The following EPS8L2 variants were observed in gnomAD, a reference collection of about 807,000 sequenced individuals.
EPS8L2 encodes epidermal growth factor receptor kinase substrate 8-like protein 2.
Under a neutral mutation model 99.4 loss-of-function variants are expected in EPS8L2, and 81 were observed. That is an observed-to-expected ratio of 0.82 (90% confidence interval 0.68 to 0.98). The LOEUF (loss-of-function observed/expected upper bound fraction) is 0.98, where lower values mean the gene tolerates loss of function less well. Among genes scored for constraint, EPS8L2 ranks in the 50% least tolerant of loss-of-function variants. EPS8L2 has a pLI of 0.00. For synonymous variants in EPS8L2, 509 were observed against 407.3 expected, an observed-to-expected ratio of 1.25 and a Z score of -3.01; for missense variants, 1,155 against 968.8, an observed-to-expected ratio of 1.19 and a Z score of -2.55.
At chr11:715,503 G>A (rs1471370691) in intron 4 of EPS8L2, among the ~76,000 whole-genome samples, 1 of 151,840 alleles carries the variant, frequency 6.6e-6, no homozygotes, top group African/African-American at 2.4e-5. Context: ...AACTAACTTT[G>A]GGCTCTGTTG....
intron 3 of EPS8L2, chr11:709,876 T>G: frequency 1.8e-6 from 1 of 554,648 alleles, no homozygotes; most frequent in East Asian, 3.0e-5. Context: ...TGTAACCTGA[T>G]CACAGCGAGG....
Position 720,123 on chromosome 11 carries a change from G to A in EPS8L2, c.227G>A (p.Arg76Gln), listed in dbSNP as rs369412251. The A allele has an allele frequency of 2.6e-5, 42 of 1,613,270 alleles. No homozygotes were observed. The highest frequency in any genetic ancestry group is 1.0e-4 in the Admixed American group (6 of 59,996). ...ATCACGTCTGTGGACGACGCCATCC[G>A]GAAGCTGGTGCAGCTGAGCTCCAAG... Reference protein sequence around the residue: ...EAITSVDDAIRKLVQLSSKEK... With the variant: ...EAITSVDDAIQKLVQLSSKEK... Residue 76 changes from arginine to glutamine, a missense_variant, in exon 5 of 21, where the codon CGG (arginine) becomes CAG (glutamine). Transcript: ENST00000318562.
Position 720,742 on chromosome 11 carries a change from T to C in EPS8L2, c.473T>C (p.Val158Ala). 8 of 1,498,080 alleles carry C rather than the reference T, an allele frequency of 5.3e-6. No individual in the cohort carries two copies. Among genetic ancestry groups the C allele is most frequent in the Non-Finnish European group, 7.2e-6 (8 of 1,115,700 alleles). 92.8% of individuals were successfully genotyped at this position (1,498,080 alleles called of 1,614,324 possible). A position where few individuals can be genotyped will look rare whatever the true frequency, so the allele number is the denominator to read the frequency against. ...GTCCACTTCTTCCACTGCGATGAGG[T>C]GGAGGTGAGGCGGTGCCGGGCGGGG... ...PDVHFFHCDEVEAELVHEDIE... is the reference protein window; with the variant it reads ...PDVHFFHCDEAEAELVHEDIE... The change falls in exon 6 of 21, where the codon GTG becomes GCG. Residue 158 changes from valine to alanine, a missense_variant. By Grantham distance (64) the Val-to-Ala change is moderately conservative (BLOSUM62 0). Transcript: ENST00000318562.
In EPS8L2 at chr11:721,588, C is replaced by A. The variant is rs769620020; in HGVS notation, c.792C>A (p.Asp264Glu). 6.4e-7 allele frequency: 1 copy of A among 1,568,504 alleles called. No homozygotes were observed. The highest frequency in any genetic ancestry group is 1.4e-5 in the African/African-American group (1 of 72,388). ...AGCAAATCCTCAACTGCGCCCTGGA[C>A]GACATCGAGTGGTTTGTGGCCCGGC... ...KETQILNCAL[D>E]DIEWFVARLQ... Residue 264 changes from aspartate to glutamate, a missense_variant, in exon 10 of 21, where the codon GAC becomes GAA. Asp to Glu is a conservative substitution (Grantham distance 45, BLOSUM62 2). Coordinates refer to ENST00000318562, the MANE Select transcript of EPS8L2 (RefSeq NM_022772.4).
In EPS8L2 at chr11:709,534, G is replaced by A; in HGVS notation, c.45-19G>A. Reference sequence around the variant, plus strand: ...GAGGGGTGCAGTTTGGCCCTGCCCTGACAGCCCCTCCCCTGCAGTGGCAGC... The same window carrying A: ...GAGGGGTGCAGTTTGGCCCTGCCCTAACAGCCCCTCCCCTGCAGTGGCAGC... On this transcript the variant is annotated intron_variant, in intron 2 of 20. Transcript: ENST00000318562. 2.5e-6 allele frequency: 4 copies of A among 1,612,042 alleles called. No homozygotes were observed. Among genetic ancestry groups the A allele is most frequent in the Non-Finnish European group, 3.4e-6 (4 of 1,179,594 alleles).
At position 709,398 on chromosome 11, in the gene EPS8L2, C is replaced by T. The variant is rs201438971; in HGVS notation, c.-10C>T. 6 of 1,579,836 alleles carry T rather than the reference C, an allele frequency of 3.8e-6. No individual in the cohort carries two copies. Among genetic ancestry groups the T allele is most frequent in the African/African-American group, 2.7e-5 (2 of 74,096 alleles). On this transcript the variant is annotated 5_prime_UTR_variant, in exon 2 of 21. Transcript: ENST00000318562. Reference sequence around the variant, plus strand: ...CTGCCCTTCTCCCGCTGGCCGCCACCCAAGACACCATGAGCCAGTCCGGGG... The same window carrying T: ...CTGCCCTTCTCCCGCTGGCCGCCACTCAAGACACCATGAGCCAGTCCGGGG...
At position 706,243 on chromosome 11, in the gene EPS8L2, C is replaced by G. The variant is rs565653938; in HGVS notation, c.-124C>G. The G allele has an allele frequency of 1.3e-5, 2 of 151,966 alleles. No individual in the cohort carries two copies. Among genetic ancestry groups the G allele is most frequent in the Admixed American group, 6.6e-5 (1 of 15,252 alleles). The allele number at this position is 151,966 out of a possible 1,614,324, so 9.4% of individuals were successfully genotyped here. A position where few individuals can be genotyped will look rare whatever the true frequency, so the allele number is the denominator to read the frequency against. On this transcript the variant is annotated 5_prime_UTR_variant, in exon 1 of 21. Coordinates refer to ENST00000318562, the MANE Select transcript of EPS8L2 (RefSeq NM_022772.4). ...CCGAGGCGCGAACAGACGGACGCAC[C>G]GGCGAGCGCCGAGGGGACAGGCCGA...
rs186603760 is a variant in EPS8L2 at position 711,931 on chromosome 11, C to T, written c.165+1445C>T. ...CCAGGAGGCGGAGGTTGCAGTGAGC[C>T]GAGATCACACCACTGCACTCCAGCA... On this transcript the variant is annotated intron_variant, in intron 4 of 20. Transcript: ENST00000318562. Among the ~76,000 whole-genome samples, 632 of 151,232 alleles carry T rather than the reference C, an allele frequency of 4.2e-3. 3 individuals are homozygous for T. Among genetic ancestry groups the T allele is most frequent in the East Asian group, 0.025 (128 of 5,090 alleles).
At position 720,985 on chromosome 11, in the gene EPS8L2, G is replaced by GGGGAGGGAGGGGAGGAGCCCGGCAGGGA. The variant is rs1554952095; in HGVS notation, c.558-72_558-71insAGGGGAGGAGCCCGGCAGGGAGGGAGGG. ...CGGCAGGGGAGGGGAGGAGCCGGCA[G>GGGGAGGGAGGGGAGGAGCCCGGCAGGGA]GGGAGGGGAGGAGCCCGGCAGGGAG... is the stretch of plus-strand genomic sequence containing the variant. On this transcript the variant is annotated intron_variant, in intron 7 of 20. Coordinates refer to ENST00000318562, the MANE Select transcript of EPS8L2 (RefSeq NM_022772.4). The GGGGAGGGAGGGGAGGAGCCCGGCAGGGA allele has an allele frequency of 5.8e-6, 8 of 1,372,610 alleles. No individual in the cohort carries two copies. In the East Asian group the frequency reaches 1.0e-4, roughly 17 times the overall value. The allele number at this position is 1,372,610 out of a possible 1,614,324, so 85.0% of individuals were successfully genotyped here.
intron 4 of EPS8L2, among the ~76,000 whole-genome samples, chr11:718,220 G>T (rs1204004809): frequency 4.0e-5 from 6 of 151,172 alleles, no homozygotes; most frequent in Admixed American, 2.0e-4. Context: ...ATAATCCCAC[G>T]TACTCGGGAA....
At chr11:725,164 C>T (rs1862280947) in intron 16 of EPS8L2, among the ~76,000 whole-genome samples, 1 of 152,220 alleles carries the variant, frequency 6.6e-6, no homozygotes, top group African/African-American at 2.4e-5. Context: ...ATCTGCCAGC[C>T]GGAATCCAGG....
In EPS8L2 at chr11:725,827, G is replaced by A. The variant is rs1862299505; in HGVS notation, c.1660G>A (p.Ala554Thr). The change falls in exon 17 of 21, where the codon GCC becomes ACC. Residue 554 changes from alanine (A) to threonine (T), a missense_variant. Ala to Thr is a moderately conservative substitution (Grantham distance 58). Coordinates refer to ENST00000318562, the MANE Select transcript of EPS8L2 (RefSeq NM_022772.4). The part of the protein sequence containing the change: ...NILGEARPED[A>T]GAPFEQAGQK... ...CCTAGGCGAGGCGCGACCGGAGGAC[G>A]CCGGCGCCCCGTTCGAGCAGGTGAG... 2 of 1,383,674 alleles carry A rather than the reference G, an allele frequency of 1.4e-6. No homozygotes were observed. The highest frequency in any genetic ancestry group is 2.8e-5 in the East Asian group (1 of 35,772). 85.7% of individuals were successfully genotyped at this position (1,383,674 alleles called of 1,614,324 possible).
intron 1 of EPS8L2, chr11:708,495 C>T (rs992303444): frequency 1.3e-5 from 2 of 152,306 alleles, no homozygotes; most frequent in Admixed American, 6.5e-5. Context: ...CACCCTACCT[C>T]GTTGGAGGGG....
At chr11:709,188 G>GCCAACTGGGACGTGGGA (rs1365783878) in intron 1 of EPS8L2, 142 bp from the exon 2 acceptor site, 2 of 618,064 alleles carry the variant, frequency 3.2e-6, no homozygotes, top group Non-Finnish European at 5.7e-6. Flanking sequence ...GGGACGTGGG[G>GCCAACTGGGACGTGGGA]CCAACTGGGA....
At chr11:723,591 C>A (rs565391137) in intron 15 of EPS8L2, among the ~76,000 whole-genome samples, 1 of 152,322 alleles carries the variant, frequency 6.6e-6, no homozygotes, top group South Asian at 2.1e-4. Context: ...TTCTGTGCAT[C>A]CACATGTATG....
In EPS8L2 at chr11:725,830, G is replaced by C; in HGVS notation, c.1663G>C (p.Gly555Arg). Residue 555 changes from glycine to arginine, a missense_variant, in exon 17 of 21, where the codon GGC (glycine) becomes CGC (arginine). By Grantham distance (125) the Gly-to-Arg change is moderately radical. Transcript: ENST00000318562. ...AGGCGAGGCGCGACCGGAGGACGCCGGCGCCCCGTTCGAGCAGGTGAGCCC... is the reference window on the plus strand; with the variant it reads ...AGGCGAGGCGCGACCGGAGGACGCCCGCGCCCCGTTCGAGCAGGTGAGCCC... ...ILGEARPEDA[G>R]APFEQAGQKY... The C allele has an allele frequency of 3.6e-6, 5 of 1,385,044 alleles. No homozygotes were observed. Among genetic ancestry groups the C allele is most frequent in the Non-Finnish European group, 4.7e-6 (5 of 1,074,844 alleles). 85.8% of individuals were successfully genotyped at this position (1,385,044 alleles called of 1,614,324 possible). A position where few individuals can be genotyped will look rare whatever the true frequency, so the allele number is the denominator to read the frequency against.
At chr11:715,863 G>C (rs758733792) in intron 4 of EPS8L2, among the ~76,000 whole-genome samples, 8 of 151,430 alleles carry the variant, frequency 5.3e-5, no homozygotes, top group Non-Finnish European at 1.2e-4. Flanking sequence ...CTCACGATCC[G>C]CCTGCCTCGG....
At chr11:714,739 G>A (rs1055386096) in intron 4 of EPS8L2, among the ~76,000 whole-genome samples, 3 of 151,382 alleles carry the variant, frequency 2.0e-5, no homozygotes, top group African/African-American at 4.9e-5. Flanking sequence ...TGTTGAACCA[G>A]CCTAATCCTC....
rs1462125465 is a variant in EPS8L2, at chr11:721,144, G to A, written c.638G>A (p.Arg213His). ...CCGGCGCCCATCCCCTTCCAGCACC[G>A]CGGCGGGGATTCCCCGGAGGCCAAG... ...QGPAPIPFQH[R>H]GGDSPEAKNR... is the part of the protein sequence containing the mutation. The change falls in exon 8 of 21, where the codon CGC becomes CAC. Residue 213 changes from arginine to histidine, a missense_variant. Transcript: ENST00000318562. 5.2e-6 allele frequency: 8 copies of A among 1,536,636 alleles called. No individual in the cohort carries two copies. In the Admixed American group the frequency reaches 1.4e-4, roughly 27 times the overall value.
Sources: allele counts gnomAD v4.1 joint callset (sites outside exome capture counted in the v4.1 genomes callset), GRCh38; gene constraint gnomAD v4.1.1; transcripts MANE v1.5; gene names NCBI Gene and HGNC (gene_info 2026-07-23, HGNC 2026-07-21).